The following MDGA2 variants were observed in gnomAD, a reference collection of about 807,000 sequenced individuals.
MDGA2 encodes the protein MAM domain containing glycosylphosphatidylinositol anchor 2, also known as MAM domain-containing glycosylphosphatidylinositol anchor protein 2.
A neutral mutation model predicts 117.8 loss-of-function variants in MDGA2; 40 were observed. The observed-to-expected ratio is 0.34, with a 90% CI of 0.26 to 0.44. The LOEUF (loss-of-function observed/expected upper bound fraction) is 0.44, where lower values mean the gene tolerates loss of function less well. Among genes scored for constraint, MDGA2 ranks in the 20% least tolerant of loss-of-function variants. The pLI is 1.00. For synonymous variants in MDGA2, 452 were observed against 439.0 expected, an observed-to-expected ratio of 1.03 and a Z score of -0.37; for missense variants, 1,123 against 1,250.6, an observed-to-expected ratio of 0.90 and a Z score of 1.54.
intron 8 of MDGA2, among the ~76,000 whole-genome samples, chr14:46,971,174 A>G (rs1242877633): frequency 6.6e-6 from 1 of 152,132 alleles, no homozygotes; most frequent in African/African-American, 2.4e-5. Flanking sequence ...AAAAAAAATA[A>G]AAATAGAACT....
Position 47,559,462 on chromosome 14 carries a change from C to A in MDGA2, c.280+115055G>T, listed in dbSNP as rs547087139. Among the ~76,000 whole-genome samples, 202 of 152,142 alleles carry A rather than the reference C, an allele frequency of 1.3e-3. 2 individuals carry two copies. The highest frequency in any genetic ancestry group is 4.6e-3 in the African/African-American group (191 of 41,506). On this transcript the variant is annotated intron_variant, in intron 1 of 16. Coordinates refer to ENST00000399232, the MANE Select transcript of MDGA2 (RefSeq NM_001113498.3). ...TTATGGCTATTCTATGGTGTATATG[C>A]ATCACATTTTCTTTATCCATTCTAC...
At chr14:47,534,381 A>G (rs908219132) in intron 1 of MDGA2, among the ~76,000 whole-genome samples, 4 of 152,196 alleles carry the variant, frequency 2.6e-5, no homozygotes, top group Non-Finnish European at 5.9e-5. Context: ...ACACTGCTAT[A>G]AAGATACTAC....
At chr14:47,125,844 G>A (rs1018762438) in intron 5 of MDGA2, among the ~76,000 whole-genome samples, 2 of 151,350 alleles carry the variant, frequency 1.3e-5, no homozygotes, top group African/African-American at 4.8e-5. Flanking sequence ...CTCTCAAGCA[G>A]GTAAAAAATA....
chr14:47,019,373 T>A (rs558583442), intron 8 of MDGA2, among the ~76,000 whole-genome samples: 1 of 152,316 alleles, frequency 6.6e-6, no homozygotes, highest in East Asian at 1.9e-4. Flanking sequence ...TCTGGCTTTT[T>A]AAAAAGTCAG....
chr14:47,379,361 C>T (rs1371996521), intron 1 of MDGA2, among the ~76,000 whole-genome samples: 3 of 152,150 alleles, frequency 2.0e-5, no homozygotes, highest in African/African-American at 7.2e-5. Context: ...CAAATTCATA[C>T]ATAACAATAT....
intron 1 of MDGA2, among the ~76,000 whole-genome samples, chr14:47,359,871 A>G (rs1324453667): frequency 6.6e-5 from 10 of 152,108 alleles, no homozygotes; most frequent in East Asian, 3.8e-4. Flanking sequence ...GCAAAAATAA[A>G]CATGTAGGGA....
chr14:47,420,749 G>T (rs7159493), intron 1 of MDGA2, among the ~76,000 whole-genome samples: 97,834 of 151,500 alleles, frequency 0.65, 31,736 homozygotes, highest in Middle Eastern at 0.74. Flanking sequence ...CAGACACTAA[G>T]TTTTTATAAG....
chr14:47,369,279 A>T (rs7146502), intron 1 of MDGA2, among the ~76,000 whole-genome samples: 109,417 of 151,788 alleles, frequency 0.72, 39,705 homozygotes, highest in Middle Eastern at 0.82. Flanking sequence ...ATTTAATTCC[A>T]CTCCAAATTT....
At chr14:47,401,020 G>A (rs1267716164) in intron 1 of MDGA2, among the ~76,000 whole-genome samples, 1 of 151,400 alleles carries the variant, frequency 6.6e-6, no homozygotes, top group Non-Finnish European at 1.5e-5. Flanking sequence ...GCCTCCTAAA[G>A]TGCTGGGATT....
chr14:47,465,947 A>C (rs886724036), intron 1 of MDGA2, among the ~76,000 whole-genome samples: 4 of 152,182 alleles, frequency 2.6e-5, no homozygotes, highest in African/African-American at 7.2e-5. Flanking sequence ...TCAATGACAG[A>C]TTGTACAAGG....
chr14:47,241,247 C>G (rs200070114), intron 2 of MDGA2, among the ~76,000 whole-genome samples: 8 of 151,836 alleles, frequency 5.3e-5, no homozygotes, highest in Admixed American at 1.3e-4. Flanking sequence ...GTAATCCTAA[C>G]GAAAGCTAAG....
chr14:47,481,636 T>A (rs2138635454), intron 1 of MDGA2, among the ~76,000 whole-genome samples: 1 of 152,090 alleles, frequency 6.6e-6, no homozygotes, highest in East Asian at 1.9e-4. Flanking sequence ...CTTTTTATGA[T>A]CCACTAAATT....
At chr14:47,394,139 T>C (rs112292321) in intron 1 of MDGA2, among the ~76,000 whole-genome samples, 1 of 152,168 alleles carries the variant, frequency 6.6e-6, no homozygotes, top group East Asian at 1.9e-4. Context: ...ATTTTTATAA[T>C]AAAAATGCTA....
rs1002057774 is a variant in MDGA2 at position 46,913,305 on chromosome 14, A to G, written c.2238+6707T>C. ...CAGTATGGTATTATAAGATTAATCT[A>G]TGCAAGATGTCATTTTATTCATGAT... On this transcript the variant is annotated intron_variant, in intron 10 of 16. Coordinates refer to ENST00000399232, the MANE Select transcript of MDGA2 (RefSeq NM_001113498.3). Among the ~76,000 whole-genome samples the G allele has an allele frequency of 2.6e-5, 4 of 152,270 alleles. No individual in the cohort carries two copies. In the East Asian group the frequency reaches 7.7e-4, roughly 29 times the overall value.
intron 1 of MDGA2, among the ~76,000 whole-genome samples, chr14:47,490,600 C>T (rs1955785): frequency 0.79 from 119,344 of 151,996 alleles, 47,144 homozygotes; most frequent in East Asian, 1. Flanking sequence ...TACATATTGG[C>T]GAGCATAAAA....
intron 1 of MDGA2, among the ~76,000 whole-genome samples, chr14:47,670,040 C>A (rs1442356276): frequency 2.0e-5 from 3 of 152,070 alleles, no homozygotes; most frequent in Non-Finnish European, 4.4e-5. Flanking sequence ...TCACTTATGC[C>A]CTTGTTCTTA....
intron 2 of MDGA2, among the ~76,000 whole-genome samples, chr14:47,297,449 G>T (rs1050092902): frequency 6.9e-6 from 1 of 145,502 alleles, no homozygotes; most frequent in Non-Finnish European, 1.5e-5. Flanking sequence ...GAAGGGAAGG[G>T]AAGGGGAGTG....
chr14:47,415,263 T>C (rs1277744162), intron 1 of MDGA2, among the ~76,000 whole-genome samples: 1 of 152,174 alleles, frequency 6.6e-6, no homozygotes, highest in African/African-American at 2.4e-5. Context: ...AACCTATCTT[T>C]GCCTCATAGT....
At chr14:47,534,539 C>T (rs1484384594) in intron 1 of MDGA2, among the ~76,000 whole-genome samples, 3 of 152,056 alleles carry the variant, frequency 2.0e-5, no homozygotes, top group Non-Finnish European at 2.9e-5. Context: ...CAGGAGAAAC[C>T]GCCACTTACA....
Sources: gnomAD v4.1 joint callset for allele counts (sites outside exome capture counted in the v4.1 genomes callset) on GRCh38, gnomAD v4.1.1 for gene constraint, MANE v1.5 for transcripts, NCBI Gene and HGNC (gene_info 2026-07-23, HGNC 2026-07-21) for gene names.